Variants in RBM19 observed in about 807,000 individuals in gnomAD.
The protein encoded by RBM19 is RNA binding motif protein 19.
A neutral mutation model predicts 116.8 loss-of-function variants in RBM19; 94 were observed. That is an observed-to-expected ratio of 0.80 (90% CI 0.68 to 0.95). The LOEUF is 0.95. Among genes scored for constraint, RBM19 ranks in the 40% least tolerant of loss-of-function variants. The probability of loss-of-function intolerance (pLI) is 0.00; values close to 1 mark genes in which losing one functional copy is unlikely to be tolerated. For synonymous variants in RBM19, 475 were observed against 494.1 expected (o/e 0.96, Z 0.51); for missense variants, 1,161 against 1,220.7 (o/e 0.95, Z 0.73).
rs756504355 is a variant in RBM19, at chr12:113,858,842, G to A, written c.2613C>T (p.Gly871=). The part of the protein sequence containing the change: ...VRLPKKMTGT[G]THRGFGFVDF... ...CCACAAAGCCGAAGCCTCTGTGTGTGCCTGTCCCAGTCATCTTCTTTGGCA... is the reference window on the plus strand; with the variant it reads ...CCACAAAGCCGAAGCCTCTGTGTGTACCTGTCCCAGTCATCTTCTTTGGCA... Residue 871 remains glycine (G), a synonymous_variant, in exon 22 of 24, where the codon GGC becomes GGT. Coordinates refer to ENST00000261741, the MANE Select transcript of RBM19 (RefSeq NM_016196.4). 8.1e-6 allele frequency: 13 copies of A among 1,614,004 alleles called. No individual in the cohort carries two copies. The East Asian group carries it at 2.9e-4, about 36-fold the overall frequency.
At chr12:113,836,942 T>TACAC (rs1875984965) in intron 23 of RBM19, among the ~76,000 whole-genome samples, 1 of 73,802 alleles carries the variant, frequency 1.4e-5, no homozygotes, top group African/African-American at 5.5e-5. Flanking sequence ...CACACACACG[T>TACAC]GTCCCAAGCA....
intron 22 of RBM19, among the ~76,000 whole-genome samples, chr12:113,847,868 C>T (rs1429276160): frequency 2.6e-5 from 4 of 152,186 alleles, no homozygotes; most frequent in Non-Finnish European, 4.4e-5. Flanking sequence ...GGCTTCTTTG[C>T]GACATCACCT....
chr12:113,842,243 G>A (rs1876550954), intron 23 of RBM19, among the ~76,000 whole-genome samples: 1 of 152,166 alleles, frequency 6.6e-6, no homozygotes, highest in Admixed American at 6.5e-5. Flanking sequence ...TCTCTCTAAG[G>A]CAGGGCAGAA....
intron 20 of RBM19, among the ~76,000 whole-genome samples, chr12:113,917,675 T>G (rs997545500): frequency 2.6e-5 from 4 of 152,226 alleles, no homozygotes; most frequent in South Asian, 2.1e-4. Context: ...AATAAATATC[T>G]GAAACCAGCT....
At position 113,915,066 on chromosome 12, in the gene RBM19, G is replaced by A. The variant is rs16943379; in HGVS notation, c.2461C>T (p.Arg821Trp). The A allele has an allele frequency of 2.9e-5, 47 of 1,614,058 alleles. No individual in the cohort carries two copies. In the South Asian group the frequency reaches 3.2e-4, roughly 11 times the overall value. Reference protein sequence around the residue: ...RATKPAVTLARKKQVPRKQTT... With the variant: ...RATKPAVTLAWKKQVPRKQTT... ...TGCTTTCTGGGAACTTGTTTCTTCC[G>A]AGCCAATGTCACGGCTGGCCTGGAG... is the stretch of plus-strand genomic sequence containing the variant. Residue 821 changes from arginine (R) to tryptophan (W), a missense_variant, in exon 21 of 24, where the codon CGG becomes TGG. By Grantham distance (101) the Arg-to-Trp change is moderately radical. Coordinates refer to ENST00000261741, the MANE Select transcript of RBM19 (RefSeq NM_016196.4).
At chr12:113,905,649 A>G (rs1483987186) in intron 21 of RBM19, among the ~76,000 whole-genome samples, 1 of 152,198 alleles carries the variant, frequency 6.6e-6, no homozygotes, top group Non-Finnish European at 1.5e-5. Context: ...GGATACCACC[A>G]AGAAGGTGAA....
Position 113,960,151 on chromosome 12 carries a change from G to C in RBM19, c.247C>G (p.Pro83Ala), listed in dbSNP as rs751544147. Residue 83 changes from proline (P) to alanine (A), a missense_variant, in exon 3 of 24, where the codon CCG (proline) becomes GCG (alanine). Physicochemically the swap from Pro to Ala is conservative, Grantham distance 27. Transcript: ENST00000261741. ...TTGCTCCAGGCTCTGGGTTTGGCCGGGTCCCCGAATGACTTGCAGAACTCC... is the reference window on the plus strand; with the variant it reads ...TTGCTCCAGGCTCTGGGTTTGGCCGCGTCCCCGAATGACTTGCAGAACTCC... ...TVEFCKSFGD[P>A]AKPRAWSKHA... 9.3e-6 allele frequency: 15 copies of C among 1,613,794 alleles called. No homozygotes were observed. The highest frequency in any genetic ancestry group is 1.3e-5 in the Non-Finnish European group (15 of 1,180,018).
intron 15 of RBM19, among the ~76,000 whole-genome samples, chr12:113,938,901 GT>G (rs398098511): frequency 2.3e-5 from 3 of 132,706 alleles, no homozygotes; most frequent in Non-Finnish European, 5.1e-5. Flanking sequence ...ATTTCAGACT[GT>G]GGCCTTCGGA....
rs935841674 is a variant in RBM19 at position 113,959,783 on chromosome 12, C to T, written c.378+82G>A. Reference sequence around the variant, plus strand: ...ACGGTCTCCTAGCCTCCACCCTCTCCCAGCCTCTACCCTCTCCAGTCTCCA... The same window carrying T: ...ACGGTCTCCTAGCCTCCACCCTCTCTCAGCCTCTACCCTCTCCAGTCTCCA... On this transcript the variant is annotated intron_variant, in intron 4 of 23. Transcript: ENST00000261741. 3.3e-6 allele frequency: 5 copies of T among 1,530,660 alleles called. No individual in the cohort carries two copies. In the South Asian group the frequency reaches 5.7e-5, roughly 17 times the overall value. The allele number at this position is 1,530,660 out of a possible 1,614,324, so 94.8% of individuals were successfully genotyped here.
intron 22 of RBM19, among the ~76,000 whole-genome samples, chr12:113,849,908 AGCAAATG>A (rs1465723562): frequency 4.6e-5 from 7 of 152,166 alleles, no homozygotes; most frequent in African/African-American, 1.7e-4. Flanking sequence ...ACTGAGGTGA[AGCAAATG>A]GGTGGCACTT....
Position 113,947,321 on chromosome 12 carries a change from G to A in RBM19, c.1407+13C>T, listed in dbSNP as rs764934674. ...CCCCACAGCCTCCTGGCCAGCCCAGGACGGGGCCTCACCTGGAATACCTGC... is the reference window on the plus strand; with the variant it reads ...CCCCACAGCCTCCTGGCCAGCCCAGAACGGGGCCTCACCTGGAATACCTGC... On this transcript the variant is annotated intron_variant, in intron 11 of 23. Transcript: ENST00000261741. 6.9e-6 allele frequency: 11 copies of A among 1,586,000 alleles called. No homozygotes were observed. Among genetic ancestry groups the A allele is most frequent in the Non-Finnish European group, 8.6e-6 (10 of 1,158,886 alleles).
chr12:113,916,289 C>T (rs1034504640), intron 20 of RBM19, among the ~76,000 whole-genome samples: 1 of 152,150 alleles, frequency 6.6e-6, no homozygotes, highest in Non-Finnish European at 1.5e-5. Flanking sequence ...CGCCTGTAAT[C>T]CCAGTTACTT....
intron 23 of RBM19, among the ~76,000 whole-genome samples, chr12:113,843,134 G>T (rs1378677889): frequency 3.9e-5 from 6 of 152,228 alleles, no homozygotes; most frequent in Admixed American, 3.9e-4. Context: ...CCACTGGAAG[G>T]CTCCTATCTC....
In RBM19 at chr12:113,898,991, ATAGT is replaced by A. The variant is rs1404953950; in HGVS notation, c.2558+15974_2558+15977del. On this transcript the variant is annotated intron_variant, in intron 21 of 23. Transcript: ENST00000261741. This position sits in a 1 kb window ranked among gnomAD's most constrained non-coding sequence, Gnocchi z 4.3. The stretch of plus-strand genomic sequence containing the variant: ...TTTATTCTGAGTTTTATATTTGTAC[ATAGT>A]TAAATAACATAATAATAAAAATATT... Among the ~76,000 whole-genome samples the A allele has an allele frequency of 6.6e-6, 1 of 152,244 alleles. No homozygotes were observed. The highest frequency in any genetic ancestry group is 1.5e-5 in the Non-Finnish European group (1 of 68,044).
At chr12:113,926,848 G>C (rs986231860) in intron 17 of RBM19, among the ~76,000 whole-genome samples, 2 of 152,196 alleles carry the variant, frequency 1.3e-5, no homozygotes, top group Non-Finnish European at 2.9e-5. Flanking sequence ...CAGGGCCCCC[G>C]GCCAGCCTTG....
rs140487102 is a variant in RBM19, at chr12:113,866,171, C to G, written c.2559-7275G>C. On this transcript the variant is annotated intron_variant, in intron 21 of 23. Coordinates refer to ENST00000261741, the MANE Select transcript of RBM19 (RefSeq NM_016196.4). ...TTCTTGCTCTCCCTTCTTAGAGTGCCTTTTAGACTGAACTTCTCCAGCTAC... is the reference window on the plus strand; with the variant it reads ...TTCTTGCTCTCCCTTCTTAGAGTGCGTTTTAGACTGAACTTCTCCAGCTAC... Among the ~76,000 whole-genome samples, 712 of 152,250 alleles carry G rather than the reference C, an allele frequency of 4.7e-3. 5 individuals carry two copies. Among genetic ancestry groups the G allele is most frequent in the African/African-American group, 0.016 (658 of 41,530 alleles).
At chr12:113,965,337 A>AAC (rs1555248804) in intron 1 of RBM19, among the ~76,000 whole-genome samples, 2 of 143,426 alleles carry the variant, frequency 1.4e-5, no homozygotes, top group African/African-American at 5.0e-5. Context: ...AAAGCCATGA[A>AAC]AGAGAGAGAA....
At chr12:113,922,062 C>G (rs1868626036) in intron 18 of RBM19, among the ~76,000 whole-genome samples, 1 of 152,144 alleles carries the variant, frequency 6.6e-6, no homozygotes, top group South Asian at 2.1e-4. Flanking sequence ...CTTTGGGTGG[C>G]TCTGCAGTGG....
chr12:113,950,283 C>A, intron 8 of RBM19, 129 bp from the exon 9 acceptor site: 1 of 715,454 alleles, frequency 1.4e-6, no homozygotes, highest in Non-Finnish European at 2.3e-6. Context: ...GTCAGATCTC[C>A]AAAATACAAA....
Sources: gnomAD v4.1 joint callset for allele counts (sites outside exome capture counted in the v4.1 genomes callset) on GRCh38, gnomAD v4.1.1 for gene constraint, Gnocchi (gnomAD v3.1) non-coding constraint, MANE v1.5 for transcripts, NCBI Gene and HGNC (gene_info 2026-07-23, HGNC 2026-07-21) for gene names.